The following DGKB variants were observed in gnomAD, a reference collection of about 807,000 sequenced individuals.
The protein encoded by DGKB is 90 kDa diacylglycerol kinase.
Under a neutral mutation model 114.3 loss-of-function variants are expected in DGKB, and 67 were observed. The ratio of observed to expected loss-of-function variants is 0.59; its 90% confidence interval spans 0.48 to 0.72. The LOEUF (loss-of-function observed/expected upper bound fraction) is 0.72, where lower values mean the gene tolerates loss of function less well. Ranked by LOEUF, DGKB falls within the 30% of genes least tolerant of loss-of-function variation. The pLI, the probability that DGKB is intolerant of heterozygous loss-of-function variation, is 0.00. For synonymous variants in DGKB, 398 were observed against 323.1 expected, an observed-to-expected ratio of 1.23 and a Z score of -2.49; for missense variants, 907 against 975.2, an observed-to-expected ratio of 0.93 and a Z score of 0.93.
In DGKB at chr7:14,178,724, T is replaced by C. The variant is rs115921748; in HGVS notation, c.2123-573A>G. The stretch of plus-strand genomic sequence containing the variant: ...AGTTCAAGAAACAATAGTAATTTTG[T>C]GAAATGTTTTTCCGATGTTAAGGAA... On this transcript the variant is annotated intron_variant, in intron 23 of 25. Coordinates refer to ENST00000402815, the MANE Select transcript of DGKB (RefSeq NM_001350709.2). Among the ~76,000 whole-genome samples, 958 of 152,264 alleles carry C rather than the reference T, an allele frequency of 6.3e-3. 11 individuals carry two copies. The highest frequency in any genetic ancestry group is 0.021 in the African/African-American group (871 of 41,546).
chr7:14,246,777 A>T (rs2128380437), intron 23 of DGKB, among the ~76,000 whole-genome samples: 1 of 152,200 alleles, frequency 6.6e-6, no homozygotes, highest in Non-Finnish European at 1.5e-5. Flanking sequence ...AATCTAATTA[A>T]CATATCATCT....
At chr7:14,269,477 T>C (rs1401582476) in intron 23 of DGKB, among the ~76,000 whole-genome samples, 1 of 152,196 alleles carries the variant, frequency 6.6e-6, no homozygotes, top group Non-Finnish European at 1.5e-5. Flanking sequence ...GTGTAACTAG[T>C]GAACATTTTG....
chr7:14,938,773 T>C (rs765410654), intron 1 of DGKB, among the ~76,000 whole-genome samples: 1 of 152,224 alleles, frequency 6.6e-6, no homozygotes, highest in Non-Finnish European at 1.5e-5. Flanking sequence ...ATGTAATGTG[T>C]AACTATTTGC....
At chr7:14,557,811 T>C (rs1796086825) in intron 20 of DGKB, among the ~76,000 whole-genome samples, 1 of 151,902 alleles carries the variant, frequency 6.6e-6, no homozygotes, top group Non-Finnish European at 1.5e-5. Context: ...TCCAAATTTA[T>C]TTCATTGTCA....
At chr7:14,189,022 C>G (rs1783908271) in intron 23 of DGKB, among the ~76,000 whole-genome samples, 1 of 152,090 alleles carries the variant, frequency 6.6e-6, no homozygotes. Context: ...GTTGGTGTTA[C>G]AAGAAACACT....
At chr7:14,611,337 C>G (rs1039107465) in intron 16 of DGKB, among the ~76,000 whole-genome samples, 4 of 152,128 alleles carry the variant, frequency 2.6e-5, no homozygotes, top group Non-Finnish European at 5.9e-5. Flanking sequence ...TTCAACTAGG[C>G]ATTGCTGTCT....
intron 8 of DGKB, among the ~76,000 whole-genome samples, 197 bp from the exon 9 acceptor site, chr7:14,694,391 C>A (rs1209452603): frequency 6.6e-6 from 1 of 152,198 alleles, no homozygotes; most frequent in Admixed American, 6.5e-5. Flanking sequence ...TAACACTGAT[C>A]ACTTTTTAGA....
intron 2 of DGKB, among the ~76,000 whole-genome samples, chr7:14,758,891 A>AGATAGATAGAT (rs1378492986): frequency 2.6e-5 from 3 of 116,514 alleles, no homozygotes; most frequent in Non-Finnish European, 4.9e-5. Context: ...AACAATAGAT[A>AGATAGATAGAT]GATAGATAGA....
intron 21 of DGKB, among the ~76,000 whole-genome samples, chr7:14,355,217 G>C (rs781046209): frequency 4.0e-5 from 6 of 151,474 alleles, no homozygotes; most frequent in Non-Finnish European, 7.4e-5. Flanking sequence ...AATCCATTAA[G>C]TCAATCAATT....
At chr7:14,888,239 A>T (rs1380761568) in intron 1 of DGKB, among the ~76,000 whole-genome samples, 2 of 151,788 alleles carry the variant, frequency 1.3e-5, no homozygotes, top group Non-Finnish European at 2.9e-5. Flanking sequence ...CTAAGGAAGT[A>T]GTGGGAGGCA....
chr7:14,241,603 A>AT (rs1306096492), intron 23 of DGKB, among the ~76,000 whole-genome samples: 2 of 151,752 alleles, frequency 1.3e-5, no homozygotes, highest in South Asian at 2.1e-4. Flanking sequence ...TGAATTGGAA[A>AT]TTTTTTTTGT....
rs1303664845 is a variant in DGKB at position 14,516,610 on chromosome 7, C to A, written c.1771-38385G>T. 3.9e-5 allele frequency among the ~76,000 whole-genome samples: 6 copies of A among 152,134 alleles called. No homozygotes were observed. The South Asian group carries it at 6.2e-4, about 16-fold the overall frequency. On this transcript the variant is annotated intron_variant, in intron 20 of 25. Transcript: ENST00000402815. ...GAAAGATGTGAGGGAAGTTATATTT[C>A]TAGGCATTTTATTCTTTTTGTGGCC...
At chr7:14,604,996 T>C (rs529460806) in intron 17 of DGKB, among the ~76,000 whole-genome samples, 40 of 152,268 alleles carry the variant, frequency 2.6e-4, no homozygotes, top group African/African-American at 9.1e-4. Flanking sequence ...AATCATTTTT[T>C]AAAACAAACT....
At chr7:14,343,018 A>C (rs1191828096) in intron 22 of DGKB, among the ~76,000 whole-genome samples, 1 of 151,750 alleles carries the variant, frequency 6.6e-6, no homozygotes, top group Non-Finnish European at 1.5e-5. Flanking sequence ...AGCAACAACA[A>C]ACAGAATCAA....
At chr7:14,931,265 C>G (rs1785005131) in intron 1 of DGKB, among the ~76,000 whole-genome samples, 3 of 152,102 alleles carry the variant, frequency 2.0e-5, no homozygotes, top group Admixed American at 1.3e-4. Flanking sequence ...GCGTGCGCCT[C>G]CAAGCCCAGC....
chr7:14,946,608 C>T (rs1364259618), intron 1 of DGKB, among the ~76,000 whole-genome samples: 1 of 151,738 alleles, frequency 6.6e-6, no homozygotes, highest in African/African-American at 2.4e-5. Flanking sequence ...ATATCAGGCC[C>T]TCATGTTTCC....
chr7:14,847,386 A>G (rs1848783364), intron 1 of DGKB, among the ~76,000 whole-genome samples: 1 of 152,224 alleles, frequency 6.6e-6, no homozygotes, highest in Admixed American at 6.5e-5. Flanking sequence ...ACAGAAAAAA[A>G]TCCTAGGGAT....
At position 14,505,158 on chromosome 7, in the gene DGKB, G is replaced by A. The variant is rs146149824; in HGVS notation, c.1771-26933C>T. 3.9e-5 allele frequency among the ~76,000 whole-genome samples: 6 copies of A among 152,220 alleles called. No homozygotes were observed. In the East Asian group the frequency reaches 1.2e-3, roughly 29 times the overall value. ...AAGAACATGTTTTGTCTTGTTTCAA[G>A]AATAGACTAAACTTGGCCAGCTGCA... On this transcript the variant is annotated intron_variant, in intron 20 of 25. Coordinates refer to ENST00000402815, the MANE Select transcript of DGKB (RefSeq NM_001350709.2).
chr7:14,695,370 T>TA (rs953620199), intron 8 of DGKB, among the ~76,000 whole-genome samples: 3 of 151,548 alleles, frequency 2.0e-5, no homozygotes, highest in African/African-American at 7.3e-5. Flanking sequence ...ATGGGCCTCA[T>TA]AAAAAAATAA....
Sources: gnomAD v4.1 joint callset for allele counts (sites outside exome capture counted in the v4.1 genomes callset) on GRCh38, gnomAD v4.1.1 for gene constraint, MANE v1.5 for transcripts, NCBI Gene and HGNC (gene_info 2026-07-23, HGNC 2026-07-21) for gene names.